Variants in RPTOR observed in about 807,000 individuals in gnomAD.
RPTOR encodes the protein regulatory-associated protein of mTOR.
Under a neutral mutation model 169.9 loss-of-function variants are expected in RPTOR, and 21 were observed. The ratio of observed to expected loss-of-function variants is 0.12; its 90% CI spans 0.09 to 0.18. The LOEUF (loss-of-function observed/expected upper bound fraction) is 0.18, where lower values mean the gene tolerates loss of function less well. Among genes scored for constraint, RPTOR ranks in the 10% least tolerant of loss-of-function variants. RPTOR has a pLI of 1.00. For missense variants in RPTOR, 1,133 were observed against 1,855.9 expected (o/e 0.61, Z 7.16); for synonymous variants, 732 against 753.2 (o/e 0.97, Z 0.46).
intron 1 of RPTOR, among the ~76,000 whole-genome samples, chr17:80,603,245 C>T (rs1327568645): frequency 3.3e-5 from 5 of 152,134 alleles, no homozygotes; most frequent in African/African-American, 9.7e-5. Context: ...TGTTGTCAAA[C>T]CAAGAGAAAC....
chr17:80,625,804 C>T lies in RPTOR; in HGVS notation c.265+11C>T, dbSNP rs768618491. On this transcript the variant is annotated intron_variant, in intron 2 of 33. Coordinates refer to ENST00000306801, the MANE Select transcript of RPTOR (RefSeq NM_020761.3). ...TGGAATGCTGGATCGGTGAGTATGCCTCCCTCACGCGCTGCCACAAAGGCC... is the reference window on the plus strand; with the variant it reads ...TGGAATGCTGGATCGGTGAGTATGCTTCCCTCACGCGCTGCCACAAAGGCC... 9.5e-6 allele frequency: 15 copies of T among 1,578,004 alleles called. 1 individual carries two copies. In the Admixed American group the frequency reaches 2.5e-4, roughly 26 times the overall value.
rs1025496741 is a variant in RPTOR, at chr17:80,646,301, C to G, written c.348+2491C>G. On this transcript the variant is annotated intron_variant, in intron 3 of 33. Coordinates refer to ENST00000306801, the MANE Select transcript of RPTOR (RefSeq NM_020761.3). The surrounding 1 kb of genome is among the most constrained non-coding windows in gnomAD (Gnocchi z 5.0). ...GGGCCTCATCTATTTTAGAAATTAG[C>G]CTAAGGTAACGGATGTCACAGGATA... Among the ~76,000 whole-genome samples the G allele has an allele frequency of 6.6e-6, 1 of 152,178 alleles. No individual in the cohort carries two copies. The highest frequency in any genetic ancestry group is 6.5e-5 in the Admixed American group (1 of 15,280).
At chr17:80,676,863 T>C (rs949954339) in intron 3 of RPTOR, among the ~76,000 whole-genome samples, 23 of 152,192 alleles carry the variant, frequency 1.5e-4, no homozygotes, top group Non-Finnish European at 3.1e-4. Flanking sequence ...GGACCAGGCA[T>C]CCTGATTTGC....
At chr17:80,649,996 C>T (rs1361082641) in intron 3 of RPTOR, among the ~76,000 whole-genome samples, 1 of 152,216 alleles carries the variant, frequency 6.6e-6, no homozygotes, top group Non-Finnish European at 1.5e-5. Context: ...CTCTTTAGAC[C>T]AATTGCACCA....
chr17:80,901,069 A>G (rs1194917212), intron 20 of RPTOR, among the ~76,000 whole-genome samples: 1 of 152,078 alleles, frequency 6.6e-6, no homozygotes, highest in African/African-American at 2.4e-5. Context: ...GCCATGCCTG[A>G]GGCCCTGGGT....
intron 12 of RPTOR, 77 bp downstream of exon 12, chr17:80,855,624 G>T (rs79181491): frequency 3.4e-6 from 4 of 1,163,400 alleles, no homozygotes; most frequent in Non-Finnish European, 3.9e-6. Context: ...GTCTGTGCAC[G>T]TATTTCATGA....
intron 7 of RPTOR, among the ~76,000 whole-genome samples, chr17:80,793,902 G>C (rs919401865): frequency 6.6e-6 from 1 of 152,210 alleles, no homozygotes; most frequent in African/African-American, 2.4e-5. Flanking sequence ...CCTGGTTCGG[G>C]CAGGGCTGGC....
At chr17:80,876,100 G>T (rs1167537141) in intron 13 of RPTOR, among the ~76,000 whole-genome samples, 23 of 132,068 alleles carry the variant, frequency 1.7e-4, no homozygotes, top group South Asian at 5.1e-4. Context: ...TCACCTGCCG[G>T]GTCTTCCACC....
chr17:80,812,698 C>A (rs780997102), intron 7 of RPTOR, among the ~76,000 whole-genome samples: 2 of 152,240 alleles, frequency 1.3e-5, no homozygotes, highest in Non-Finnish European at 2.9e-5. Flanking sequence ...GCCTGGCTGC[C>A]TTTCCTTGCT....
intron 1 of RPTOR, among the ~76,000 whole-genome samples, chr17:80,550,117 C>A (rs750443640): frequency 2.6e-5 from 4 of 152,202 alleles, no homozygotes. Flanking sequence ...ATCTACACTA[C>A]CCCCTCTGCT....
intron 6 of RPTOR, among the ~76,000 whole-genome samples, chr17:80,782,390 T>G (rs910380266): frequency 1.3e-5 from 2 of 152,136 alleles, no homozygotes; most frequent in Admixed American, 1.3e-4. Flanking sequence ...TTTATTTATT[T>G]TTTTATTTTT....
chr17:80,701,568 G>C (rs182767999), intron 3 of RPTOR, among the ~76,000 whole-genome samples: 65 of 152,184 alleles, frequency 4.3e-4, no homozygotes, highest in African/African-American at 1.4e-3. Context: ...AGAGGGGTAG[G>C]GTGAAACTTT....
chr17:80,599,274 T>A lies in RPTOR; in HGVS notation c.163-26417T>A, dbSNP rs375184105. ...TGAAGGTGAGCCACCATGCAGTGAT[T>A]CCAGCCCCCAGAAGACACTCACCCC... On this transcript the variant is annotated intron_variant, in intron 1 of 33. Transcript: ENST00000306801. Among the ~76,000 whole-genome samples the A allele has an allele frequency of 4.3e-4, 66 of 152,248 alleles. 2 individuals carry two copies. The South Asian group carries it at 0.013, about 30-fold the overall frequency.
chr17:80,744,421 C>T (rs2629390), intron 5 of RPTOR, among the ~76,000 whole-genome samples: 1,707 of 14,256 alleles, frequency 0.12, 10 homozygotes, highest in East Asian at 0.24. Flanking sequence ...ACAGCCCTGG[C>T]TACTAGCACA....
At chr17:80,622,010 T>A in intron 1 of RPTOR, among the ~76,000 whole-genome samples, 1 of 152,232 alleles carries the variant, frequency 6.6e-6, no homozygotes, top group East Asian at 1.9e-4. Context: ...GGGCTTTTGC[T>A]AGAGGAGCCT....
chr17:80,661,363 G>C (rs979778676), intron 3 of RPTOR, among the ~76,000 whole-genome samples: 2 of 152,220 alleles, frequency 1.3e-5, no homozygotes, highest in African/African-American at 2.4e-5. Context: ...GAGAGGCAGA[G>C]GTGGAGGCCG....
At chr17:80,872,901 C>T (rs1343782017) in intron 13 of RPTOR, among the ~76,000 whole-genome samples, 4 of 152,158 alleles carry the variant, frequency 2.6e-5, no homozygotes, top group Admixed American at 6.5e-5. Flanking sequence ...TGCTTGGAAC[C>T]TGATCAAATC....
At chr17:80,902,857 G>C (rs151075910) in intron 20 of RPTOR, among the ~76,000 whole-genome samples, 1 of 152,238 alleles carries the variant, frequency 6.6e-6, no homozygotes, top group Non-Finnish European at 1.5e-5. Flanking sequence ...CTTCCCTCCC[G>C]AAACCCTGCG....
intron 3 of RPTOR, among the ~76,000 whole-genome samples, chr17:80,663,972 C>G (rs1036878433): frequency 1.3e-5 from 2 of 152,118 alleles, no homozygotes; most frequent in African/African-American, 2.4e-5. Context: ...GCATCTTCCC[C>G]GTGACAGCCG....
Sources: gnomAD v4.1 joint callset for allele counts (sites outside exome capture counted in the v4.1 genomes callset) on GRCh38, gnomAD v4.1.1 for gene constraint, Gnocchi (gnomAD v3.1) non-coding constraint, MANE v1.5 for transcripts, NCBI Gene and HGNC (gene_info 2026-07-23, HGNC 2026-07-21) for gene names.